Variants in ADAMTS12 observed in about 807,000 individuals in gnomAD.
ADAMTS12 encodes the protein A disintegrin and metalloproteinase with thrombospondin motifs 12.
In ADAMTS12, 118 loss-of-function variants were observed where a neutral mutation model predicts 167.8. The observed-to-expected ratio is 0.70, with a 90% CI of 0.61 to 0.82. ADAMTS12 has a LOEUF of 0.82. Among genes scored for constraint, ADAMTS12 ranks in the 40% least tolerant of loss-of-function variants. The pLI is 0.00. For missense variants in ADAMTS12, 1,916 were observed against 1,998.8 expected, an observed-to-expected ratio of 0.96 and a Z score of 0.79; for synonymous variants, 704 against 716.9, an observed-to-expected ratio of 0.98 and a Z score of 0.29.
chr5:33,651,738 A>G lies in ADAMTS12; in HGVS notation c.1191-2041T>C, dbSNP rs1023173250. Among the ~76,000 whole-genome samples, 37 of 152,238 alleles carry G rather than the reference A, an allele frequency of 2.4e-4. No individual in the cohort carries two copies. The Middle Eastern group carries it at 0.01, about 42-fold the overall frequency. On this transcript the variant is annotated intron_variant, in intron 7 of 23. Transcript: ENST00000504830. ...TGAGGTTTGGGCTTCTAGTGTACCT[A>G]TCACCCAAATGGTGAACGTTGTACC...
intron 3 of ADAMTS12, among the ~76,000 whole-genome samples, chr5:33,711,391 T>C (rs1166925086): frequency 6.6e-6 from 1 of 152,164 alleles, no homozygotes; most frequent in Non-Finnish European, 1.5e-5. Flanking sequence ...TTTTCAATTA[T>C]TATTTTGAAA....
Position 33,857,960 on chromosome 5 carries a change from A to C in ADAMTS12, c.489+23159T>G, listed in dbSNP as rs1448576736. ...TCTCAAAAAATGACAGAACAACTAGACAGAAAATCAGCTAGGGTAAAGTAA... is the reference window on the plus strand; with the variant it reads ...TCTCAAAAAATGACAGAACAACTAGCCAGAAAATCAGCTAGGGTAAAGTAA... On this transcript the variant is annotated intron_variant, in intron 2 of 23. Transcript: ENST00000504830. 3.3e-5 allele frequency among the ~76,000 whole-genome samples: 5 copies of C among 152,212 alleles called. No individual in the cohort carries two copies. The East Asian group carries it at 9.6e-4, about 29-fold the overall frequency.
chr5:33,611,684 T>A (rs1440419268), intron 16 of ADAMTS12, among the ~76,000 whole-genome samples: 1 of 152,126 alleles, frequency 6.6e-6, no homozygotes, highest in Non-Finnish European at 1.5e-5. Flanking sequence ...TAAATGCTCA[T>A]CAGAAGAACA....
intron 18 of ADAMTS12, among the ~76,000 whole-genome samples, chr5:33,583,621 G>C (rs1747189096): frequency 6.6e-6 from 1 of 152,138 alleles, no homozygotes; most frequent in Admixed American, 6.6e-5. Flanking sequence ...AGTGTACGAG[G>C]GTTCCCTTTT....
chr5:33,611,393 A>C (rs73080378), intron 16 of ADAMTS12, among the ~76,000 whole-genome samples: 6,103 of 152,096 alleles, frequency 0.04, 283 homozygotes, highest in African/African-American at 0.11. Flanking sequence ...AAGAGCAATA[A>C]AGCTGAGTGG....
At chr5:33,735,658 T>C (rs901268739) in intron 3 of ADAMTS12, among the ~76,000 whole-genome samples, 7 of 152,132 alleles carry the variant, frequency 4.6e-5, no homozygotes, top group Non-Finnish European at 8.8e-5. Flanking sequence ...AACTGTTTTC[T>C]TGCTTTTCCT....
chr5:33,585,440 C>A (rs563460271), intron 18 of ADAMTS12, among the ~76,000 whole-genome samples: 21 of 152,302 alleles, frequency 1.4e-4, no homozygotes, highest in African/African-American at 4.8e-4. Context: ...GCCTGAAATG[C>A]CTTTGGAAAG....
At chr5:33,613,998 T>C (rs1328088382) in intron 16 of ADAMTS12, among the ~76,000 whole-genome samples, 1 of 152,238 alleles carries the variant, frequency 6.6e-6, no homozygotes, top group African/African-American at 2.4e-5. Context: ...AAGGTTTTAC[T>C]GAAAACTTTT....
In ADAMTS12 at chr5:33,568,710, T is replaced by C. The variant is rs543268958; in HGVS notation, c.3972+7344A>G. Among the ~76,000 whole-genome samples the C allele has an allele frequency of 3.4e-3, 521 of 152,242 alleles. 2 individuals carry two copies. Among genetic ancestry groups the C allele is most frequent in the Non-Finnish European group, 5.6e-3 (382 of 68,020 alleles). On this transcript the variant is annotated intron_variant, in intron 19 of 23. Coordinates refer to ENST00000504830, the MANE Select transcript of ADAMTS12 (RefSeq NM_030955.4). ...CTGCATTTCCATCTGAGGTACCGGG[T>C]TCATCTCACTAGGGAGTGCCAGAAA...
intron 16 of ADAMTS12, among the ~76,000 whole-genome samples, chr5:33,609,690 T>G (rs1269441395): frequency 6.6e-6 from 1 of 152,162 alleles, no homozygotes; most frequent in Admixed American, 6.5e-5. Context: ...GTAAACAAAG[T>G]TTAAAAGACA....
intron 2 of ADAMTS12, among the ~76,000 whole-genome samples, chr5:33,876,831 G>T (rs1750244473): frequency 6.6e-6 from 1 of 152,180 alleles, no homozygotes; most frequent in Non-Finnish European, 1.5e-5. Flanking sequence ...CAGTAATTTT[G>T]CAAGATGTTG....
intron 2 of ADAMTS12, among the ~76,000 whole-genome samples, chr5:33,868,559 A>G (rs1189733082): frequency 1.3e-5 from 2 of 152,200 alleles, no homozygotes; most frequent in Admixed American, 6.5e-5. Context: ...TGAACTTGAG[A>G]GTAATGATTT....
intron 5 of ADAMTS12, among the ~76,000 whole-genome samples, chr5:33,673,288 G>A (rs1658981141): frequency 6.6e-6 from 1 of 152,092 alleles, no homozygotes; most frequent in African/African-American, 2.4e-5. Flanking sequence ...TCCCACATCT[G>A]TATTTCATTC....
chr5:33,738,314 T>G (rs112468647), intron 3 of ADAMTS12, among the ~76,000 whole-genome samples: 131 of 151,762 alleles, frequency 8.6e-4, no homozygotes, highest in Admixed American at 3.7e-3. Flanking sequence ...TTGATTTTTT[T>G]TTTGTTTGTT....
intron 2 of ADAMTS12, among the ~76,000 whole-genome samples, chr5:33,810,103 C>T (rs947951987): frequency 3.3e-5 from 5 of 151,934 alleles, no homozygotes; most frequent in African/African-American, 4.8e-5. Flanking sequence ...AAAAGTGGTC[C>T]TGCAATGCAA....
intron 13 of ADAMTS12, among the ~76,000 whole-genome samples, chr5:33,625,206 G>C (rs2057414740): frequency 6.6e-6 from 1 of 152,002 alleles, no homozygotes; most frequent in Non-Finnish European, 1.5e-5. Flanking sequence ...ACAGAAAATA[G>C]CTTCATTCTT....
chr5:33,746,558 T>C (rs1429764188), intron 3 of ADAMTS12, among the ~76,000 whole-genome samples: 1 of 152,056 alleles, frequency 6.6e-6, no homozygotes, highest in Non-Finnish European at 1.5e-5. Flanking sequence ...CCCCTAACAA[T>C]AGTAAAACAT....
At chr5:33,734,726 G>A (rs535399712) in intron 3 of ADAMTS12, among the ~76,000 whole-genome samples, 1 of 152,290 alleles carries the variant, frequency 6.6e-6, no homozygotes, top group African/African-American at 2.4e-5. Context: ...GGCCTGAGAG[G>A]AAGGGGCTAT....
intron 3 of ADAMTS12, among the ~76,000 whole-genome samples, chr5:33,696,565 A>G (rs1742785210): frequency 6.6e-6 from 1 of 152,180 alleles, no homozygotes; most frequent in African/African-American, 2.4e-5. Context: ...CCTTGATGGC[A>G]GCCTGGTTGG....
Sources: allele counts gnomAD v4.1 joint callset (sites outside exome capture counted in the v4.1 genomes callset), GRCh38; gene constraint gnomAD v4.1.1; transcripts MANE v1.5; gene names NCBI Gene and HGNC (gene_info 2026-07-23, HGNC 2026-07-21).